AGBL1: variants seen among roughly 807,000 people sequenced by gnomAD.
The protein encoded by AGBL1 is AGBL carboxypeptidase 1, also known as cytosolic carboxypeptidase 4.
Under a neutral mutation model 118.9 loss-of-function variants are expected in AGBL1, and 130 were observed. The observed-to-expected ratio is 1.09, with a 90% CI of 0.95 to 1.26. The LOEUF is 1.26. Among genes scored for constraint, AGBL1 ranks in the 50% most tolerant of loss-of-function variants. The pLI is 0.00. For missense variants in AGBL1, 1,584 were observed against 1,298.1 expected (o/e 1.22, Z -3.38); for synonymous variants, 555 against 478.9 (o/e 1.16, Z -2.08).
At chr15:86,852,620 A>T (rs2079423639) in intron 22 of AGBL1, among the ~76,000 whole-genome samples, 1 of 152,062 alleles carries the variant, frequency 6.6e-6, no homozygotes, top group South Asian at 2.1e-4. Context: ...TCCTTCCTAC[A>T]TTCCTTGAGG....
At chr15:86,241,837 A>T (rs1291939071) in intron 6 of AGBL1, among the ~76,000 whole-genome samples, 2 of 152,182 alleles carry the variant, frequency 1.3e-5, no homozygotes, top group Non-Finnish European at 2.9e-5. Context: ...CAAAAGTAAA[A>T]TGAGTAACTA....
At position 86,295,305 on chromosome 15, in the gene AGBL1, C is replaced by G; in HGVS notation, c.2271C>G (p.Phe757Leu). The change falls in exon 17 of 23, where the codon TTC (phenylalanine) becomes TTG (leucine). Residue 757 changes from phenylalanine to leucine, a missense_variant. Phe to Leu is a conservative substitution (Grantham distance 22). Transcript: ENST00000614907. ...EKSVNLKEVY[F>L]RQDVLCQTLG... is the part of the protein sequence containing the mutation. ...GTGTCAACCTCAAAGAGGTCTACTT[C>G]CGGCAAGATGTTCTCTGCCAGACGC... 1 of 1,613,692 alleles carries G rather than the reference C, an allele frequency of 6.2e-7. No homozygotes were observed. Among genetic ancestry groups the G allele is most frequent in the South Asian group, 1.1e-5 (1 of 91,072 alleles).
At chr15:86,444,266 C>T (rs1165856178) in intron 18 of AGBL1, among the ~76,000 whole-genome samples, 1 of 152,126 alleles carries the variant, frequency 6.6e-6, no homozygotes, top group Non-Finnish European at 1.5e-5. Flanking sequence ...CTTTATTCTC[C>T]CCTCTTGCTG....
At chr15:86,998,366 C>G (rs150009139) in intron 24 of AGBL1, among the ~76,000 whole-genome samples, 81 of 152,224 alleles carry the variant, frequency 5.3e-4, no homozygotes, top group Middle Eastern at 3.4e-3. Flanking sequence ...CAGCTGCTGG[C>G]CAGCAGCCAT....
chr15:86,143,756 A>G lies in AGBL1; in HGVS notation c.173A>G (p.Gln58Arg), dbSNP rs2076995559. 1.2e-6 allele frequency: 2 copies of G among 1,613,946 alleles called. No homozygotes were observed. Among genetic ancestry groups the G allele is most frequent in the African/African-American group, 2.7e-5 (2 of 75,070 alleles). ...ISKGGSEALL[Q>R]TLVDTARTAP... ...AAGGGTGGCAGTGAAGCTCTTCTGC[A>G]GACCCTGGTAGACACAGCGAGGACA... Residue 58 changes from glutamine to arginine, a missense_variant, in exon 3 of 23, where the codon CAG (glutamine) becomes CGG (arginine). Transcript: ENST00000614907.
intron 21 of AGBL1, among the ~76,000 whole-genome samples, chr15:86,625,294 T>C (rs2084866175): frequency 6.6e-6 from 1 of 151,690 alleles, no homozygotes; most frequent in Admixed American, 6.6e-5. Flanking sequence ...GGCCATGTCT[T>C]ATTTGGTTAG....
intron 16 of AGBL1, among the ~76,000 whole-genome samples, chr15:86,281,052 TGTTTTTATGG>T (rs1320572276): frequency 2.6e-5 from 4 of 152,234 alleles, no homozygotes; most frequent in African/African-American, 9.6e-5. Context: ...CTTCAACAGC[TGTTTTTATGG>T]TCTTGCCTGT....
At chr15:86,227,875 G>C (rs977732300) in intron 6 of AGBL1, among the ~76,000 whole-genome samples, 1 of 152,198 alleles carries the variant, frequency 6.6e-6, no homozygotes, top group Non-Finnish European at 1.5e-5. Flanking sequence ...AGAATGAGGA[G>C]GGCAAATAGA....
Position 86,799,910 on chromosome 15 carries a change from C to T in AGBL1, c.3159-107177C>T, listed in dbSNP as rs547535762. 1.7e-3 allele frequency among the ~76,000 whole-genome samples: 255 copies of T among 152,178 alleles called. 2 individuals are homozygous for T. The highest frequency in any genetic ancestry group is 5.5e-3 in the African/African-American group (229 of 41,520). ...CAGTGTTTAGATTGGAAAATTAAGG[C>T]TCCAGCGAAGAACTGAAAAATATCC... On this transcript the variant is annotated intron_variant, in intron 22 of 22. Coordinates refer to ENST00000614907, the MANE Select transcript of AGBL1 (RefSeq NM_001386094.1).
chr15:86,337,654 A>T (rs938013806), intron 17 of AGBL1, among the ~76,000 whole-genome samples: 1 of 152,208 alleles, frequency 6.6e-6, no homozygotes, highest in Non-Finnish European at 1.5e-5. Flanking sequence ...GGAGCTGAAC[A>T]ATGAGAGCAC....
chr15:86,739,863 T>TCC (rs2077652780), intron 22 of AGBL1, among the ~76,000 whole-genome samples: 1 of 152,074 alleles, frequency 6.6e-6, no homozygotes, highest in South Asian at 2.1e-4. Context: ...ATAAAGACCC[T>TCC]CCCTCTCCAG....
intron 23 of AGBL1, among the ~76,000 whole-genome samples, chr15:86,921,427 T>C (rs1338624769): frequency 1.3e-5 from 2 of 152,220 alleles, no homozygotes; most frequent in African/African-American, 2.4e-5. Context: ...TACGTTAAGA[T>C]GTAATTTTTA....
chr15:86,791,333 T>A (rs1172362424), intron 22 of AGBL1, among the ~76,000 whole-genome samples: 1 of 152,194 alleles, frequency 6.6e-6, no homozygotes. Flanking sequence ...TGACTTTGAA[T>A]AAGTATTGAA....
At position 86,484,176 on chromosome 15, in the gene AGBL1, A is replaced by G. The variant is rs542330079; in HGVS notation, c.2556-38634A>G. Among the ~76,000 whole-genome samples the G allele has an allele frequency of 3.9e-5, 6 of 152,234 alleles. No homozygotes were observed. The East Asian group carries it at 5.8e-4, about 15-fold the overall frequency. ...AGGAAGTATACTTTCTCTCCCCTCA[A>G]GCAAGTAACAAGTGTGTGTAATTGA... On this transcript the variant is annotated intron_variant, in intron 18 of 22. Coordinates refer to ENST00000614907, the MANE Select transcript of AGBL1 (RefSeq NM_001386094.1).
chr15:86,202,959 C>G (rs1048162899), intron 5 of AGBL1, among the ~76,000 whole-genome samples: 1 of 152,104 alleles, frequency 6.6e-6, no homozygotes, highest in African/African-American at 2.4e-5. Context: ...TGGCTCATGC[C>G]TGTAATTCTA....
chr15:86,290,603 C>T (rs1055197814), intron 16 of AGBL1, among the ~76,000 whole-genome samples: 6 of 151,870 alleles, frequency 4.0e-5, no homozygotes, highest in Non-Finnish European at 4.4e-5. Context: ...CCACCTGCTT[C>T]GGCCTCCCAG....
At chr15:86,411,848 A>C (rs73455627) in intron 18 of AGBL1, among the ~76,000 whole-genome samples, 5,976 of 152,294 alleles carry the variant, frequency 0.039, 413 homozygotes, top group African/African-American at 0.14. Context: ...AAGGGGACAT[A>C]GCAGGGTAGT....
intron 22 of AGBL1, among the ~76,000 whole-genome samples, chr15:86,829,096 A>C (rs2141410937): frequency 6.6e-6 from 1 of 152,104 alleles, no homozygotes; most frequent in East Asian, 1.9e-4. Context: ...ATGTTGCCAG[A>C]GAGTAGAAGA....
intron 5 of AGBL1, among the ~76,000 whole-genome samples, chr15:86,220,575 A>G (rs1366750952): frequency 2.0e-5 from 3 of 152,192 alleles, no homozygotes; most frequent in African/African-American, 4.8e-5. Context: ...AAATTTGCCA[A>G]TAGTTTAAGC....
Sources: allele counts gnomAD v4.1 joint callset (sites outside exome capture counted in the v4.1 genomes callset), GRCh38; gene constraint gnomAD v4.1.1; transcripts MANE v1.5; gene names NCBI Gene and HGNC (gene_info 2026-07-23, HGNC 2026-07-21).